The following C5orf15 variants were observed in gnomAD, a reference collection of about 807,000 sequenced individuals.
C5orf15 encodes the protein keratinocyte-associated transmembrane protein 2.
A neutral mutation model predicts 17.8 loss-of-function variants in C5orf15; 10 were observed. The ratio of observed to expected loss-of-function variants is 0.56; its 90% CI spans 0.35 to 0.95. C5orf15 has a LOEUF of 0.95. Ranked by LOEUF, C5orf15 falls within the 40% of genes least tolerant of loss-of-function variation. C5orf15 has a pLI of 0.02. For missense variants in C5orf15, 319 were observed against 331.7 expected (o/e 0.96, Z 0.30); for synonymous variants, 124 against 131.0 (o/e 0.95, Z 0.36).
chr5:133,963,006 A>C (rs368294052), intron 1 of C5orf15, among the ~76,000 whole-genome samples: 2 of 152,198 alleles, frequency 1.3e-5, no homozygotes, highest in South Asian at 2.1e-4. Context: ...AGTTATTAAT[A>C]AATCAAGCTC....
rs149600183 is a variant in C5orf15, at chr5:133,963,322, C to G, written c.140-3302G>C. Among the ~76,000 whole-genome samples the G allele has an allele frequency of 3.4e-3, 524 of 152,252 alleles. 8 individuals are homozygous for G. The highest frequency in any genetic ancestry group is 0.012 in the African/African-American group (480 of 41,542). On this transcript the variant is annotated intron_variant, in intron 1 of 2. Coordinates refer to ENST00000231512, the MANE Select transcript of C5orf15 (RefSeq NM_020199.3). ...AATTAAAAGAACTTCCAAGAACGACCAGAATTCTAGACTCATAAATCCAAC... is the reference window on the plus strand; with the variant it reads ...AATTAAAAGAACTTCCAAGAACGACGAGAATTCTAGACTCATAAATCCAAC...
At chr5:133,964,007 A>G (rs933662404) in intron 1 of C5orf15, among the ~76,000 whole-genome samples, 6 of 152,214 alleles carry the variant, frequency 3.9e-5, no homozygotes, top group Admixed American at 6.5e-5. Context: ...TCACAAGGTC[A>G]GGAGTTCGAG....
At chr5:133,966,862 T>C (rs529153969) in intron 1 of C5orf15, among the ~76,000 whole-genome samples, 1 of 152,334 alleles carries the variant, frequency 6.6e-6, no homozygotes, top group East Asian at 1.9e-4. Flanking sequence ...CATTTTAAAC[T>C]GGTGTATGTA....
intron 1 of C5orf15, among the ~76,000 whole-genome samples, chr5:133,967,084 G>A (rs1235811488): frequency 6.6e-6 from 1 of 152,176 alleles, no homozygotes; most frequent in African/African-American, 2.4e-5. Context: ...AAGCATTCCA[G>A]CAGGAAATAT....
intron 1 of C5orf15, among the ~76,000 whole-genome samples, chr5:133,961,603 T>C (rs1006904668): frequency 1.3e-4 from 20 of 151,590 alleles, no homozygotes; most frequent in Non-Finnish European, 1.9e-4. Context: ...CTTTTTTTTT[T>C]TTGACAGGGT....
intron 1 of C5orf15, among the ~76,000 whole-genome samples, chr5:133,961,232 TAAAA>T (rs56684565): frequency 1.3e-4 from 4 of 30,440 alleles, no homozygotes; most frequent in African/African-American, 5.9e-4. Flanking sequence ...AGTCAGTTAG[TAAAA>T]AAAAAAAAAA....
intron 2 of C5orf15, among the ~76,000 whole-genome samples, chr5:133,957,919 T>G (rs2126875989): frequency 6.6e-6 from 1 of 152,346 alleles, no homozygotes; most frequent in African/African-American, 2.4e-5. Context: ...TTAAAAGGCT[T>G]AACTATTCAG....
rs761962805 is a variant in C5orf15, at chr5:133,968,597, T to A, written c.-13A>T. 7.5e-6 allele frequency: 12 copies of A among 1,600,926 alleles called. No individual in the cohort carries two copies. In the African/African-American group the frequency reaches 1.5e-4, roughly 20 times the overall value. The stretch of plus-strand genomic sequence containing the variant: ...CGGCAGCGGCCATAACGGACTCGGC[T>A]GGGAGCCTGCGCTGTTGCTAGGCTC... On this transcript the variant is annotated 5_prime_UTR_variant, in exon 1 of 3. Transcript: ENST00000231512.
In C5orf15 at chr5:133,963,780, G is replaced by A. The variant is rs1022937434; in HGVS notation, c.140-3760C>T. 3.4e-5 allele frequency among the ~76,000 whole-genome samples: 5 copies of A among 145,064 alleles called. No homozygotes were observed. The South Asian group carries it at 8.5e-4, about 25-fold the overall frequency. ...TTTTTTCTTTTTGAGACAGGGTCTC[G>A]CTTTGTCACTTAGGCTGGAGTGCTG... is the stretch of plus-strand genomic sequence containing the variant. On this transcript the variant is annotated intron_variant, in intron 1 of 2. Transcript: ENST00000231512.
intron 1 of C5orf15, among the ~76,000 whole-genome samples, chr5:133,961,167 AAAAG>A (rs1042219897): frequency 9.3e-5 from 14 of 151,064 alleles, no homozygotes; most frequent in African/African-American, 3.4e-4. Context: ...TGTAGAAAAA[AAAAG>A]AAATAGCTGG....
intron 2 of C5orf15, among the ~76,000 whole-genome samples, chr5:133,957,364 A>G (rs1366852737): frequency 6.7e-6 from 1 of 148,390 alleles, no homozygotes; most frequent in African/African-American, 2.4e-5. Context: ...CCCTGTCTCA[A>G]AAAAAAAAAA....
At chr5:133,959,353 C>T (rs1308096526) in intron 2 of C5orf15, 141 bp downstream of exon 2, 1 of 503,560 alleles carries the variant, frequency 2.0e-6, no homozygotes, top group Non-Finnish European at 3.2e-6. Context: ...GTGATTGTGC[C>T]ACTGTACTCC....
At position 133,955,802 on chromosome 5, in the gene C5orf15, C is replaced by T. The variant is rs1384685257; in HGVS notation, c.*1057G>A. On this transcript the variant is annotated 3_prime_UTR_variant, in exon 3 of 3. Transcript: ENST00000231512. Reference sequence around the variant, plus strand: ...TGTAAGTCAACCATGGTTCAAATCACATATTTACATATTGATCAATTCTTT... The same window carrying T: ...TGTAAGTCAACCATGGTTCAAATCATATATTTACATATTGATCAATTCTTT... 2 of 152,340 alleles carry T rather than the reference C, an allele frequency of 1.3e-5. No homozygotes were observed. The highest frequency in any genetic ancestry group is 2.1e-4 in the South Asian group (1 of 4,834). The allele number at this position is 152,340 out of a possible 1,614,324, so 9.4% of individuals were successfully genotyped here.
At chr5:133,960,079 A>G in intron 1 of C5orf15, 59 bp from the exon 2 acceptor site, 1 of 1,490,020 alleles carries the variant, frequency 6.7e-7, no homozygotes, top group East Asian at 2.3e-5. Flanking sequence ...CCAAGCTAAA[A>G]GCATATTTAC....
chr5:133,955,710 A>G lies in C5orf15; in HGVS notation c.*1149T>C, dbSNP rs1363627246. On this transcript the variant is annotated 3_prime_UTR_variant, in exon 3 of 3. Coordinates refer to ENST00000231512, the MANE Select transcript of C5orf15 (RefSeq NM_020199.3). ...CCAGCTCTACATAAAGCGCAAGCCC[A>G]CTGGCTCACCCGGGTCCTGCTTAAC... 6.6e-6 allele frequency: 1 copy of G among 152,644 alleles called. No homozygotes were observed. Among genetic ancestry groups the G allele is most frequent in the Non-Finnish European group, 1.5e-5 (1 of 68,042 alleles). 9.5% of individuals were successfully genotyped at this position (152,644 alleles called of 1,614,324 possible).
At position 133,955,638 on chromosome 5, in the gene C5orf15, T is replaced by C. The variant is rs1364538869; in HGVS notation, c.*1221A>G. The C allele has an allele frequency of 6.6e-6, 1 of 152,618 alleles. No individual in the cohort carries two copies. Among genetic ancestry groups the C allele is most frequent in the Non-Finnish European group, 1.5e-5 (1 of 68,040 alleles). 9.5% of individuals were successfully genotyped at this position (152,618 alleles called of 1,614,324 possible). ...TTTCCATTGTGCTTCCCTTCCCTAT[T>C]AGGAAAGTACACTGTCCGCCCAAGA... On this transcript the variant is annotated 3_prime_UTR_variant, in exon 3 of 3. Coordinates refer to ENST00000231512, the MANE Select transcript of C5orf15 (RefSeq NM_020199.3).
At chr5:133,961,529 G>C (rs1179775833) in intron 1 of C5orf15, among the ~76,000 whole-genome samples, 2 of 137,118 alleles carry the variant, frequency 1.5e-5, no homozygotes, top group African/African-American at 5.5e-5. Flanking sequence ...CTGGCCGACA[G>C]AGCAAGACCA....
intron 1 of C5orf15, among the ~76,000 whole-genome samples, chr5:133,965,125 T>A (rs1253796871): frequency 6.6e-6 from 1 of 152,176 alleles, no homozygotes; most frequent in Non-Finnish European, 1.5e-5. Flanking sequence ...CATTACCTAC[T>A]TAATAGATAG....
Position 133,956,226 on chromosome 5 carries a change from A to G in C5orf15, c.*633T>C, listed in dbSNP as rs1752040872. ...TAGTAATTCCAACCAAAAAAATAGT[A>G]TCTCTGTAACATTTTATCTATGTCC... is the stretch of plus-strand genomic sequence containing the variant. On this transcript the variant is annotated 3_prime_UTR_variant, in exon 3 of 3. Transcript: ENST00000231512. The G allele has an allele frequency of 1.3e-5, 2 of 152,750 alleles. No individual in the cohort carries two copies. Among genetic ancestry groups the G allele is most frequent in the South Asian group, 4.1e-4 (2 of 4,828 alleles). The allele number at this position is 152,750 out of a possible 1,614,324, so 9.5% of individuals were successfully genotyped here. A position where few individuals can be genotyped will look rare whatever the true frequency, so the allele number is the denominator to read the frequency against.
Sources: gnomAD v4.1 joint callset for allele counts (sites outside exome capture counted in the v4.1 genomes callset) on GRCh38, gnomAD v4.1.1 for gene constraint, MANE v1.5 for transcripts, NCBI Gene and HGNC (gene_info 2026-07-23, HGNC 2026-07-21) for gene names.